FBXL13: variants seen among roughly 807,000 people sequenced by gnomAD.
FBXL13 encodes the protein F-box and leucine rich repeat protein 13.
A neutral mutation model predicts 83.6 loss-of-function variants in FBXL13; 67 were observed. The observed-to-expected ratio is 0.80, with a 90% CI of 0.66 to 0.98. The LOEUF (loss-of-function observed/expected upper bound fraction) is 0.98, where lower values mean the gene tolerates loss of function less well. Among genes scored for constraint, FBXL13 ranks in the 50% least tolerant of loss-of-function variants. The pLI is 0.00. For missense variants in FBXL13, 822 were observed against 866.5 expected (o/e 0.95, Z 0.64); for synonymous variants, 272 against 299.5 (o/e 0.91, Z 0.95).
At chr7:102,908,230 A>G (rs1397237675) in intron 11 of FBXL13, among the ~76,000 whole-genome samples, 1 of 152,042 alleles carries the variant, frequency 6.6e-6, no homozygotes, top group Non-Finnish European at 1.5e-5. Context: ...TACCAATTGC[A>G]TTTTTCAGCT....
intron 11 of FBXL13, among the ~76,000 whole-genome samples, chr7:102,890,959 A>ATGTC (rs1288387430): frequency 6.6e-6 from 1 of 152,216 alleles, no homozygotes; most frequent in African/African-American, 2.4e-5. Context: ...ATATATTTTT[A>ATGTC]TGTCCTCTTA....
At chr7:102,834,061 G>GAAGA (rs1477429510) in intron 17 of FBXL13, among the ~76,000 whole-genome samples, 3 of 114,254 alleles carry the variant, frequency 2.6e-5, no homozygotes, top group Admixed American at 8.7e-5. Context: ...AGGAAGGAAG[G>GAAGA]AAGGAAGGAA....
chr7:102,901,778 G>A (rs369167769), intron 11 of FBXL13, among the ~76,000 whole-genome samples: 18 of 152,184 alleles, frequency 1.2e-4, no homozygotes, highest in African/African-American at 4.3e-4. Flanking sequence ...GCTTTTTTAT[G>A]GCTGAATAGT....
intron 6 of FBXL13, among the ~76,000 whole-genome samples, chr7:102,993,678 C>G (rs1007592585): frequency 6.6e-6 from 1 of 151,982 alleles, no homozygotes; most frequent in African/African-American, 2.4e-5. Context: ...GTTTGGCCAA[C>G]AGTTTGACTG....
intron 16 of FBXL13, among the ~76,000 whole-genome samples, chr7:102,860,264 T>C (rs11972644): frequency 0.19 from 29,035 of 152,126 alleles, 3,029 homozygotes; most frequent in East Asian, 0.43. Context: ...ATGAAGTATG[T>C]GTTTCAAGAG....
At chr7:102,843,197 A>AG in intron 17 of FBXL13, among the ~76,000 whole-genome samples, 1 of 152,308 alleles carries the variant, frequency 6.6e-6, no homozygotes, top group Non-Finnish European at 1.5e-5. Flanking sequence ...TAACCCCAAC[A>AG]CTTTGGGAGG....
chr7:102,877,553 G>A (rs1397944397), exon 16 of FBXL13: 2 of 1,611,034 alleles, frequency 1.2e-6, no homozygotes, highest in Admixed American at 3.4e-5. Flanking sequence ...GCAGTCAAAT[G>A]TTCACAATTT....
intron 1 of FBXL13, among the ~76,000 whole-genome samples, chr7:103,056,615 G>A (rs901796109): frequency 1.3e-5 from 2 of 151,918 alleles, no homozygotes; most frequent in African/African-American, 2.4e-5. Flanking sequence ...CCACCACCAC[G>A]CCTAGCTAAT....
chr7:102,820,282 C>T (rs1562899330), intron 19 of FBXL13, among the ~76,000 whole-genome samples: 1 of 152,200 alleles, frequency 6.6e-6, no homozygotes, highest in East Asian at 1.9e-4. Context: ...AGGGCCAAGT[C>T]TCTGCCTGCT....
At chr7:102,848,893 G>A (rs1424143906) in intron 17 of FBXL13, among the ~76,000 whole-genome samples, 1 of 151,988 alleles carries the variant, frequency 6.6e-6, no homozygotes, top group African/African-American at 2.4e-5. Context: ...CCAGCTACTC[G>A]GGAGGCTGAG....
At chr7:103,072,902 AT>A (rs1321539647) in intron 1 of FBXL13, among the ~76,000 whole-genome samples, 12 of 152,326 alleles carry the variant, frequency 7.9e-5, no homozygotes, top group African/African-American at 2.6e-4. Context: ...TTCTATTAAT[AT>A]ATGCCTGGCA....
chr7:102,918,252 CA>C (rs1298509510), intron 10 of FBXL13, among the ~76,000 whole-genome samples: 2 of 151,838 alleles, frequency 1.3e-5, no homozygotes, highest in African/African-American at 2.4e-5. Flanking sequence ...TTTTATATGG[CA>C]AAAAAATCAG....
intron 2 of FBXL13, among the ~76,000 whole-genome samples, chr7:103,052,408 A>G (rs1796907479): frequency 6.6e-6 from 1 of 152,162 alleles, no homozygotes; most frequent in Admixed American, 6.5e-5. Context: ...ATACTTTAAA[A>G]TATCAAAAAT....
chr7:102,817,013 A>G (rs2129444958), intron 19 of FBXL13, among the ~76,000 whole-genome samples: 1 of 152,326 alleles, frequency 6.6e-6, no homozygotes, highest in Non-Finnish European at 1.5e-5. Context: ...CACCACTGAC[A>G]GGCACTTAGG....
At chr7:102,878,036 G>A (rs1809503608) in intron 15 of FBXL13, among the ~76,000 whole-genome samples, 2 of 152,004 alleles carry the variant, frequency 1.3e-5, no homozygotes, top group East Asian at 3.9e-4. Context: ...CCTGGAAAAG[G>A]GAGATTAGAG....
At chr7:103,053,452 C>T (rs573919542) in intron 2 of FBXL13, among the ~76,000 whole-genome samples, 132 of 152,310 alleles carry the variant, frequency 8.7e-4, no homozygotes, top group African/African-American at 3.0e-3. Context: ...CGCACCCAGC[C>T]AGAATTCTCT....
intron 18 of FBXL13, among the ~76,000 whole-genome samples, chr7:102,831,431 A>ACACACACACACACACCC (rs1033135095): frequency 6.8e-6 from 1 of 147,126 alleles, no homozygotes; most frequent in African/African-American, 2.5e-5. Context: ...ACACACACAC[A>ACACACACACACACACCC]CCCCACTACA....
At chr7:102,979,016 G>A (rs1202570230) in intron 6 of FBXL13, among the ~76,000 whole-genome samples, 1 of 152,158 alleles carries the variant, frequency 6.6e-6, no homozygotes, top group Non-Finnish European at 1.5e-5. Flanking sequence ...AAATCTACAT[G>A]ATATAAAGAT....
At chr7:102,893,082 C>T (rs1281106611) in intron 11 of FBXL13, among the ~76,000 whole-genome samples, 1 of 152,166 alleles carries the variant, frequency 6.6e-6, no homozygotes, top group Non-Finnish European at 1.5e-5. Flanking sequence ...ACTGGTTTAG[C>T]TGGTCACAAA....
Sources: gnomAD v4.1 joint callset for allele counts (sites outside exome capture counted in the v4.1 genomes callset) on GRCh38, gnomAD v4.1.1 for gene constraint, MANE v1.5 for transcripts, NCBI Gene and HGNC (gene_info 2026-07-23, HGNC 2026-07-21) for gene names.